Variants in COL9A3 observed in about 807,000 individuals in gnomAD.
The protein encoded by COL9A3 is collagen alpha-3(IX) chain.
A neutral mutation model predicts 110.2 loss-of-function variants in COL9A3; 82 were observed. The ratio of observed to expected loss-of-function variants is 0.74; its 90% CI spans 0.62 to 0.89. The LOEUF (loss-of-function observed/expected upper bound fraction) is 0.89. COL9A3 is among the 40% of genes least tolerant of loss of function. The pLI is 0.00. For synonymous variants in COL9A3, 494 were observed against 403.8 expected (o/e 1.22, Z -2.68); for missense variants, 1,066 against 981.3 (o/e 1.09, Z -1.15).
intron 22 of COL9A3, 103 bp from the exon 23 acceptor site, chr20:62,830,257 G>T: frequency 7.3e-7 from 1 of 1,364,600 alleles, no homozygotes; most frequent in Admixed American, 2.0e-5. Flanking sequence ...ACCGGCTCCT[G>T]TGTCCACCCA....
intron 17 of COL9A3, 76 bp from the exon 18 acceptor site, chr20:62,828,688 C>T (rs1340855633): frequency 5.9e-6 from 9 of 1,523,764 alleles, no homozygotes; most frequent in Non-Finnish European, 8.2e-6. Flanking sequence ...GGGAAGGAGG[C>T]TGCCCCCAGG....
intron 26 of COL9A3, among the ~76,000 whole-genome samples, chr20:62,834,790 C>T (rs919493752): frequency 6.6e-6 from 1 of 152,072 alleles, no homozygotes; most frequent in African/African-American, 2.4e-5. Context: ...CTACAGGTGC[C>T]CACCATCACA....
At chr20:62,821,240 C>T (rs1263791295) in intron 6 of COL9A3, 24 bp downstream of exon 6, 1 of 1,610,994 alleles carries the variant, frequency 6.2e-7, no homozygotes, top group South Asian at 1.1e-5. Context: ...GTGGTCCTCT[C>T]CTCTCCATGG....
intron 16 of COL9A3, among the ~76,000 whole-genome samples, chr20:62,827,553 C>T (rs1010233506): frequency 2.0e-5 from 3 of 152,198 alleles, no homozygotes; most frequent in Non-Finnish European, 4.4e-5. Flanking sequence ...GGACCAGGCT[C>T]CAGGGCTTGG....
At chr20:62,829,744 A>G in intron 21 of COL9A3, 22 bp from the exon 22 acceptor site, 2 of 1,591,922 alleles carry the variant, frequency 1.3e-6, no homozygotes, top group Non-Finnish European at 1.7e-6. Context: ...CTGCCCTGAC[A>G]CCCTCCTTCC....
chr20:62,831,744 G>A (rs111510472), intron 24 of COL9A3: 15 of 276,170 alleles, frequency 5.4e-5, no homozygotes, highest in Non-Finnish European at 1.1e-4. Context: ...GTGGCCATGT[G>A]AGCAAATGGA....
At chr20:62,836,577 C>G (rs1259413428) in intron 29 of COL9A3, 45 bp downstream of exon 29, 2 of 1,559,176 alleles carry the variant, frequency 1.3e-6, no homozygotes, top group Non-Finnish European at 8.7e-7. Flanking sequence ...CCATCCCCGC[C>G]TGGGGGTCCC....
chr20:62,825,429 G>A, intron 12 of COL9A3: 1 of 361,594 alleles, frequency 2.8e-6, no homozygotes, highest in Non-Finnish European at 5.1e-6. Flanking sequence ...TGTGGTCGCT[G>A]TCCGTGGAGG....
rs561828367 is a variant in COL9A3 at position 62,829,087 on chromosome 20, G to A, written c.1008+111G>A. The A allele has an allele frequency of 2.9e-5, 35 of 1,209,352 alleles. No homozygotes were observed. In the East Asian group the frequency reaches 9.0e-4, roughly 31 times the overall value. 74.9% of individuals were successfully genotyped at this position (1,209,352 alleles called of 1,614,324 possible). A position where few individuals can be genotyped will look rare whatever the true frequency, so the allele number is the denominator to read the frequency against. On this transcript the variant is annotated intron_variant, in intron 19 of 31. Transcript: ENST00000649368. ...CTGTAGGGCCGACTCCCTGTGAGGG[G>A]TTCTGGGGCCTGTGTCCATCAGGGC...
At position 62,828,936 on chromosome 20, in the gene COL9A3, G is replaced by T. The variant is rs761170700; in HGVS notation, c.968G>T (p.Arg323Leu). 1.1e-5 allele frequency: 18 copies of T among 1,611,550 alleles called. No individual in the cohort carries two copies. In the Admixed American group the frequency reaches 2.0e-4, roughly 18 times the overall value. Residue 323 changes from arginine to leucine, a missense_variant, in exon 19 of 32, where the codon CGC becomes CTC. Transcript: ENST00000649368. Reference sequence around the variant, plus strand: ...CTGTCCTCACAGGGAGAGGCTGGTCGCAACGGTGCTCCGGGAGAGAAGGGC... The same window carrying T: ...CTGTCCTCACAGGGAGAGGCTGGTCTCAACGGTGCTCCGGGAGAGAAGGGC... ...GLDGQKGEAG[R>L]NGAPGEKGPN...
intron 25 of COL9A3, among the ~76,000 whole-genome samples, chr20:62,832,666 C>G (rs947985073): frequency 8.6e-6 from 1 of 116,844 alleles, no homozygotes; most frequent in Non-Finnish European, 2.1e-5. Context: ...GTGGGTGGGG[C>G]CATGGCCGTG....
intron 11 of COL9A3, 102 bp from the exon 12 acceptor site, chr20:62,824,866 G>T (rs1342197638): frequency 3.2e-6 from 4 of 1,256,614 alleles, no homozygotes; most frequent in Non-Finnish European, 3.4e-6. Context: ...CTGCCGTGTG[G>T]CGGGCCCTGG....
At chr20:62,838,839 G>A (rs148458793) in intron 31 of COL9A3, 78 bp downstream of exon 31, 2 of 1,220,212 alleles carry the variant, frequency 1.6e-6, no homozygotes, top group African/African-American at 1.5e-5. Flanking sequence ...GGGCGTGCTT[G>A]GGTTATGAAT....
rs768274655 is a variant in COL9A3, at chr20:62,836,483, G to C, written c.1554G>C (p.Lys518Asn). Residue 518 changes from lysine (K) to asparagine (N), a missense_variant, in exon 29 of 32, where the codon AAG (lysine) becomes AAC (asparagine). Physicochemically the swap from Lys to Asn is moderately conservative, Grantham distance 94. Coordinates refer to ENST00000649368, the MANE Select transcript of COL9A3 (RefSeq NM_001853.4). Reference protein sequence around the residue: ...GITGKPGVPGKEASEQRIREL... With the variant: ...GITGKPGVPGNEASEQRIREL... ...ATGTGTGGGGTGAATTCCAGGGGAA[G>C]GAGGCCAGCGAGCAGCGCATCAGGG... 4 of 1,613,666 alleles carry C rather than the reference G, an allele frequency of 2.5e-6. No individual in the cohort carries two copies. Among genetic ancestry groups the C allele is most frequent in the Non-Finnish European group, 3.4e-6 (4 of 1,179,802 alleles).
At chr20:62,838,092 A>G (rs1011363597) in intron 30 of COL9A3, among the ~76,000 whole-genome samples, 3 of 152,280 alleles carry the variant, frequency 2.0e-5, no homozygotes, top group African/African-American at 7.2e-5. Flanking sequence ...TAAATACTCA[A>G]CTGCTTAATA....
In COL9A3 at chr20:62,819,995, G is replaced by A. The variant is rs773385404; in HGVS notation, c.309+13G>A. Reference sequence around the variant, plus strand: ...CCCTGGGGAACGGGTAAGTGCCTGCGCCGAACCCAGTGGCTTGGGTTCAGA... The same window carrying A: ...CCCTGGGGAACGGGTAAGTGCCTGCACCGAACCCAGTGGCTTGGGTTCAGA... On this transcript the variant is annotated intron_variant, in intron 5 of 31. Transcript: ENST00000649368. 1.9e-5 allele frequency: 31 copies of A among 1,612,360 alleles called. No homozygotes were observed. The South Asian group carries it at 2.7e-4, about 14-fold the overall frequency.
rs757839471 is a variant in COL9A3, at chr20:62,822,143, C to T, written c.456C>T (p.Pro152=). ...CTGGACTCCCCGGCCTCCCTGGTCC[C>T]CCAGGACCTCCCGGACCCCCTGTAA... ...GPSGLPGLPG[P]PGPPGPPGHP... The change falls in exon 9 of 32, where the codon CCC becomes CCT. Residue 152 remains proline, a synonymous_variant. Transcript: ENST00000649368. 2.5e-6 allele frequency: 4 copies of T among 1,585,226 alleles called. No homozygotes were observed. Among genetic ancestry groups the T allele is most frequent in the South Asian group, 1.1e-5 (1 of 90,538 alleles).
chr20:62,824,948 G>A lies in COL9A3; in HGVS notation c.577-20G>A, dbSNP rs928285792. The A allele has an allele frequency of 7.5e-6, 12 of 1,605,964 alleles. No individual in the cohort carries two copies. In the African/African-American group the frequency reaches 1.6e-4, roughly 21 times the overall value. Reference sequence around the variant, plus strand: ...TGTCGGGGGGTCTGGGTGGGGCAGTGACCCCACATTTGCTTGCAGGGACCC... The same window carrying A: ...TGTCGGGGGGTCTGGGTGGGGCAGTAACCCCACATTTGCTTGCAGGGACCC... On this transcript the variant is annotated intron_variant, in intron 11 of 31. Coordinates refer to ENST00000649368, the MANE Select transcript of COL9A3 (RefSeq NM_001853.4).
At chr20:62,838,011 G>A (rs1044884366) in intron 30 of COL9A3, among the ~76,000 whole-genome samples, 2 of 152,258 alleles carry the variant, frequency 1.3e-5, no homozygotes, top group African/African-American at 4.8e-5. Context: ...GACGCAATTA[G>A]AGGGATGTGA....
Sources: gnomAD v4.1 joint callset for allele counts (sites outside exome capture counted in the v4.1 genomes callset) on GRCh38, gnomAD v4.1.1 for gene constraint, MANE v1.5 for transcripts, NCBI Gene and HGNC (gene_info 2026-07-23, HGNC 2026-07-21) for gene names.